The following ADGRL2 variants were observed in gnomAD, a reference collection of about 807,000 sequenced individuals.
ADGRL2 encodes calcium-independent alpha-latrotoxin receptor 2.
ADGRL2 carries 44 observed loss-of-function variants against 157.4 expected under a neutral mutation model. The observed-to-expected ratio is 0.28, with a 90% confidence interval of 0.22 to 0.36. ADGRL2 has a LOEUF of 0.36. Among genes scored for constraint, ADGRL2 ranks in the 10% least tolerant of loss-of-function variants. ADGRL2 has a pLI of 1.00. For synonymous variants in ADGRL2, 585 were observed against 624.7 expected, an observed-to-expected ratio of 0.94 and a Z score of 0.95; for missense variants, 1,510 against 1,768.9, an observed-to-expected ratio of 0.85 and a Z score of 2.63.
intron 3 of ADGRL2, among the ~76,000 whole-genome samples, chr1:81,606,544 C>T (rs1416285531): frequency 2.6e-5 from 4 of 151,880 alleles, no homozygotes; most frequent in African/African-American, 9.7e-5. Context: ...TAGTTTATAT[C>T]AACCAAGTAT....
chr1:81,367,646 G>A lies in ADGRL2; in HGVS notation c.-302+61137G>A, dbSNP rs185461293. ...GTGATCACTGCAACCTCTGCCTCCCGGTTTCAAGCAATTCTCCTGCCTCAG... is the reference window on the plus strand; with the variant it reads ...GTGATCACTGCAACCTCTGCCTCCCAGTTTCAAGCAATTCTCCTGCCTCAG... On this transcript the variant is annotated intron_variant, in intron 1 of 24. Coordinates refer to the ADGRL2 transcript ENST00000370721. Among the ~76,000 whole-genome samples, 5 of 152,180 alleles carry A rather than the reference G, an allele frequency of 3.3e-5. No homozygotes were observed. In the South Asian group the frequency reaches 6.2e-4, roughly 19 times the overall value.
chr1:81,310,328 C>T (rs1217302443), intron 1 of ADGRL2, among the ~76,000 whole-genome samples: 1 of 152,070 alleles, frequency 6.6e-6, no homozygotes, highest in East Asian at 1.9e-4. Flanking sequence ...TCTTTCCTCC[C>T]AATGTGAAAA....
intron 3 of ADGRL2, among the ~76,000 whole-genome samples, chr1:81,678,837 G>T (rs1435221763): frequency 4.6e-5 from 7 of 152,100 alleles, no homozygotes; most frequent in Admixed American, 4.6e-4. Context: ...CAAACATCCT[G>T]GTGTGCAAAG....
At chr1:81,745,011 G>A (rs1014968336) in intron 1 of ADGRL2, among the ~76,000 whole-genome samples, 2 of 152,078 alleles carry the variant, frequency 1.3e-5, no homozygotes, top group Non-Finnish European at 2.9e-5. Context: ...CATCATTGAG[G>A]ACTGAGTTGA....
chr1:81,842,150 G>A (rs72717767), intron 2 of ADGRL2, among the ~76,000 whole-genome samples: 19,307 of 151,910 alleles, frequency 0.13, 1,309 homozygotes, highest in Admixed American at 0.21. Flanking sequence ...GGGTAGGGGT[G>A]CATGGGTGTA....
At chr1:81,722,251 C>G (rs1478581151) in intron 1 of ADGRL2, 3 of 412,616 alleles carry the variant, frequency 7.3e-6, no homozygotes, top group Admixed American at 3.4e-5. Flanking sequence ...GGAGATCGCG[C>G]CACTGCACTC....
chr1:81,944,148 A>C (rs1270430636), intron 6 of ADGRL2, among the ~76,000 whole-genome samples: 1 of 152,062 alleles, frequency 6.6e-6, no homozygotes, highest in Non-Finnish European at 1.5e-5. Flanking sequence ...AACGTGTGTT[A>C]GGAAGTCCCA....
chr1:81,812,242 A>G (rs2089949459), intron 1 of ADGRL2, among the ~76,000 whole-genome samples: 1 of 151,880 alleles, frequency 6.6e-6, no homozygotes, highest in Admixed American at 6.6e-5. Context: ...GCGATGAAAT[A>G]ATCAAAGCAG....
At chr1:81,729,966 T>TA (rs2084664802) in intron 1 of ADGRL2, among the ~76,000 whole-genome samples, 1 of 152,184 alleles carries the variant, frequency 6.6e-6, no homozygotes, top group Non-Finnish European at 1.5e-5. Context: ...TAATGACTGA[T>TA]AGAGATAGTT....
intron 2 of ADGRL2, chr1:81,557,475 A>AAGAAAG: frequency 1.0e-4 from 1 of 9,736 alleles, no homozygotes; most frequent in Non-Finnish European, 2.1e-4. Flanking sequence ...AAGAAGAAAG[A>AAGAAAG]AAGAAAGAAG....
intron 1 of ADGRL2, among the ~76,000 whole-genome samples, chr1:81,716,069 G>C (rs1251263406): frequency 6.6e-6 from 1 of 152,182 alleles, no homozygotes; most frequent in Non-Finnish European, 1.5e-5. Flanking sequence ...TGATAGAGAA[G>C]AAAGAAAGGC....
Position 81,526,049 on chromosome 1 carries a change from C to T in ADGRL2, c.-247-54827C>T, listed in dbSNP as rs561798854. 8.4e-4 allele frequency among the ~76,000 whole-genome samples: 128 copies of T among 152,180 alleles called. 2 individuals carry two copies. In the South Asian group the frequency reaches 0.023, roughly 27 times the overall value. ...GATCAGATCATGGAGCTGCCACTCA[C>T]TGTGTCTTCCCAGTTTAATTGGACA... On this transcript the variant is annotated intron_variant, in intron 2 of 24. Coordinates refer to the ADGRL2 transcript ENST00000370721.
At chr1:81,526,333 T>C (rs1225932401) in intron 2 of ADGRL2, among the ~76,000 whole-genome samples, 1 of 152,190 alleles carries the variant, frequency 6.6e-6, no homozygotes, top group Non-Finnish European at 1.5e-5. Flanking sequence ...ATCAGCTATT[T>C]TGCAGTTTAA....
At chr1:81,870,938 C>CT (rs2093675085) in intron 2 of ADGRL2, among the ~76,000 whole-genome samples, 1 of 127,660 alleles carries the variant, frequency 7.8e-6, no homozygotes, top group South Asian at 2.5e-4. Flanking sequence ...TTTTTTTTTT[C>CT]TTTTTTTATT....
chr1:81,992,196 TA>T lies in ADGRL2; in HGVS notation c.*1058del, dbSNP rs555494680. ...TGAACAAAAGGTGCCTATTCTTTTT[TA>T]AAAAAATAAAATAAAACATAAATAT... On this transcript the variant is annotated 3_prime_UTR_variant, in exon 24 of 24. Coordinates refer to ENST00000686636, the MANE Select transcript of ADGRL2 (RefSeq NM_001366006.2). 73 of 152,618 alleles carry T rather than the reference TA, an allele frequency of 4.8e-4. No homozygotes were observed. The highest frequency in any genetic ancestry group is 1.7e-3 in the African/African-American group (69 of 41,550). 9.5% of individuals were successfully genotyped at this position (152,618 alleles called of 1,614,324 possible).
At chr1:81,929,843 T>C (rs1161174266) in intron 3 of ADGRL2, among the ~76,000 whole-genome samples, 2 of 152,156 alleles carry the variant, frequency 1.3e-5, no homozygotes, top group African/African-American at 4.8e-5. Context: ...TGGTGGTAAT[T>C]TATATTTCTT....
intron 2 of ADGRL2, among the ~76,000 whole-genome samples, chr1:81,769,917 G>T (rs2086283729): frequency 6.6e-6 from 1 of 151,270 alleles, no homozygotes; most frequent in South Asian, 2.1e-4. Flanking sequence ...AGGCTGGAGT[G>T]CAATGGCACG....
At chr1:81,733,279 G>A (rs573984223) in intron 1 of ADGRL2, among the ~76,000 whole-genome samples, 12 of 152,322 alleles carry the variant, frequency 7.9e-5, no homozygotes, top group East Asian at 5.8e-4. Context: ...TGTATGTGTC[G>A]TATTAGTTTG....
chr1:81,458,398 G>C (rs1445025834), intron 2 of ADGRL2, among the ~76,000 whole-genome samples: 1 of 152,186 alleles, frequency 6.6e-6, no homozygotes, highest in African/African-American at 2.4e-5. Flanking sequence ...TTTGAAGTTT[G>C]GTGAGTGAGA....
Sources: gnomAD v4.1 joint callset for allele counts (sites outside exome capture counted in the v4.1 genomes callset) on GRCh38, gnomAD v4.1.1 for gene constraint, MANE v1.5 for transcripts, NCBI Gene and HGNC (gene_info 2026-07-23, HGNC 2026-07-21) for gene names.